The following ARMC2 variants were observed in gnomAD, a reference collection of about 807,000 sequenced individuals.
ARMC2 encodes the protein armadillo repeat containing 2, also known as armadillo repeat-containing protein 2.
Under a neutral mutation model 90.3 loss-of-function variants are expected in ARMC2, and 67 were observed. The ratio of observed to expected loss-of-function variants is 0.74; its 90% CI spans 0.61 to 0.91. The LOEUF (loss-of-function observed/expected upper bound fraction) is 0.91, where lower values mean the gene tolerates loss of function less well. Ranked by LOEUF, ARMC2 falls within the 40% of genes least tolerant of loss-of-function variation. The probability of loss-of-function intolerance (pLI) is 0.00; values close to 1 mark genes in which losing one functional copy is unlikely to be tolerated. For synonymous variants in ARMC2, 393 were observed against 393.0 expected, an observed-to-expected ratio of 1.00 and a Z score of 0.00; for missense variants, 920 against 1,030.9, an observed-to-expected ratio of 0.89 and a Z score of 1.47.
At chr6:108,889,914 C>G (rs1278498934) in intron 5 of ARMC2, among the ~76,000 whole-genome samples, 2 of 151,292 alleles carry the variant, frequency 1.3e-5, no homozygotes, top group Non-Finnish European at 2.9e-5. Flanking sequence ...CCGGGCCGGG[C>G]GCGGTGGCTC....
intron 10 of ARMC2, among the ~76,000 whole-genome samples, chr6:108,925,221 A>G (rs1774993996): frequency 6.6e-6 from 1 of 152,152 alleles, no homozygotes; most frequent in East Asian, 1.9e-4. Flanking sequence ...TCTTTCATCC[A>G]TTATTTTTTA....
At chr6:108,857,398 G>T (rs1481827867) in intron 2 of ARMC2, among the ~76,000 whole-genome samples, 1 of 152,096 alleles carries the variant, frequency 6.6e-6, no homozygotes. Context: ...TCACTTATTA[G>T]TTCCTGGAGC....
chr6:108,944,207 T>C (rs1414013003), intron 12 of ARMC2, among the ~76,000 whole-genome samples: 1 of 152,222 alleles, frequency 6.6e-6, no homozygotes, highest in African/African-American at 2.4e-5. Context: ...TGATTCTTCC[T>C]GACAAAGTAG....
Position 108,953,346 on chromosome 6 carries a change from C to T in ARMC2, c.1910C>T (p.Thr637Met), listed in dbSNP as rs780646638. 1.5e-5 allele frequency: 24 copies of T among 1,599,226 alleles called. No individual in the cohort carries two copies. In the Admixed American group the frequency reaches 2.5e-4, roughly 17 times the overall value. ...NPGIVGLLLT[T>M]LEYKSLDDCE... is the part of the protein sequence containing the mutation. ...GGGATAGTGGGCCTGCTCCTGACCA[C>T]GCTGGGTGAGAACCGCAGCCCACTG... Residue 637 changes from threonine to methionine, a missense_variant, in exon 13 of 18, where the codon ACG becomes ATG. Physicochemically the swap from Thr to Met is moderately conservative, Grantham distance 81. Transcript: ENST00000392644.
chr6:109,030,339 A>G, the ARMC2 span, among the ~76,000 whole-genome samples: 2 of 152,386 alleles, frequency 1.3e-5, no homozygotes, highest in South Asian at 4.1e-4. Flanking sequence ...CCACAAAGGC[A>G]TGATCAAGGC....
At chr6:108,922,285 G>C (rs928813931) in intron 10 of ARMC2, among the ~76,000 whole-genome samples, 1 of 149,276 alleles carries the variant, frequency 6.7e-6, no homozygotes, top group Non-Finnish European at 1.5e-5. Flanking sequence ...TTTTTTTCTT[G>C]AGACAGAGTC....
chr6:108,883,213 A>G (rs1427859698), intron 5 of ARMC2, among the ~76,000 whole-genome samples: 1 of 152,244 alleles, frequency 6.6e-6, no homozygotes, highest in Non-Finnish European at 1.5e-5. Context: ...CCTAAGTGTA[A>G]TAAGGGGTAA....
chr6:109,026,931 C>A, the ARMC2 span, among the ~76,000 whole-genome samples: 1 of 152,010 alleles, frequency 6.6e-6, no homozygotes, highest in Non-Finnish European at 1.5e-5. Flanking sequence ...CCCAGCACTT[C>A]AGGAGCCCAG....
At position 108,936,927 on chromosome 6, in the gene ARMC2, C is replaced by G. The variant is rs142598974; in HGVS notation, c.1524C>G (p.Cys508Trp). 3.1e-6 allele frequency: 5 copies of G among 1,603,156 alleles called. No individual in the cohort carries two copies. The African/African-American group carries it at 4.0e-5, about 13-fold the overall frequency. Residue 508 changes from cysteine to tryptophan, a missense_variant, in exon 12 of 18, where the codon TGC becomes TGG. Cys to Trp is a radical substitution (Grantham distance 215, BLOSUM62 -2). Transcript: ENST00000392644. ...FSKLTSYRDCCTALASYSRCY... is the reference protein window; with the variant it reads ...FSKLTSYRDCWTALASYSRCY... The stretch of plus-strand genomic sequence containing the variant: ...AACTTACTTCTTACCGTGACTGCTG[C>G]ACAGCCTTGGCCAGCTATTCCAGAT...
chr6:109,026,852 C>T, the ARMC2 span, among the ~76,000 whole-genome samples: 4 of 151,988 alleles, frequency 2.6e-5, no homozygotes, highest in African/African-American at 9.7e-5. Context: ...AGTAGTTGTA[C>T]CATTTTATAT....
At chr6:108,969,934 A>C (rs916276620) in intron 17 of ARMC2, among the ~76,000 whole-genome samples, 2 of 152,036 alleles carry the variant, frequency 1.3e-5, no homozygotes, top group Non-Finnish European at 2.9e-5. Context: ...CACTCAGGAA[A>C]CTGAGGTGGG....
the ARMC2 span, among the ~76,000 whole-genome samples, chr6:109,022,527 A>G: frequency 7.3e-6 from 1 of 137,042 alleles, no homozygotes; most frequent in African/African-American, 2.8e-5. Flanking sequence ...GGTTCATGCC[A>G]TTCTCCTGCC....
At chr6:108,987,057 G>C in the ARMC2 span, 4 of 152,852 alleles carry the variant, frequency 2.6e-5, no homozygotes, top group African/African-American at 9.7e-5. Context: ...ATGTATGTAG[G>C]CTCAGATAGT....
chr6:108,937,776 G>C (rs961543643), intron 12 of ARMC2, among the ~76,000 whole-genome samples: 10 of 151,946 alleles, frequency 6.6e-5, no homozygotes, highest in African/African-American at 1.5e-4. Context: ...CTCACTGCAA[G>C]CTCCACCTCC....
the ARMC2 span, among the ~76,000 whole-genome samples, chr6:109,024,889 T>A: frequency 4.9e-4 from 75 of 152,338 alleles, 4 homozygotes; most frequent in East Asian, 0.014. Context: ...AGTGGAACTA[T>A]CACAAATTGG....
rs368916195 is a variant in ARMC2 at position 108,953,301 on chromosome 6, C to T, written c.1865C>T (p.Pro622Leu). 1.3e-5 allele frequency: 21 copies of T among 1,610,322 alleles called. No homozygotes were observed. Among genetic ancestry groups the T allele is most frequent in the East Asian group, 2.2e-5 (1 of 44,882 alleles). ...ANIAIHPGVG[P>L]VLAANPGIVG... ...ATTGCCATCCACCCGGGCGTGGGCC[C>T]GGTGCTGGCCGCCAACCCGGGGATA... The change falls in exon 13 of 18, where the codon CCG (proline) becomes CTG (leucine). Residue 622 changes from proline (P) to leucine (L), a missense_variant. Pro to Leu is a moderately conservative substitution (Grantham distance 98). Transcript: ENST00000392644.
intron 17 of ARMC2, among the ~76,000 whole-genome samples, chr6:108,971,139 A>G (rs755390420): frequency 9.2e-5 from 14 of 152,066 alleles, no homozygotes; most frequent in Non-Finnish European, 1.8e-4. Context: ...CACAAGGATC[A>G]CTTGAATCTG....
At chr6:108,860,934 T>A (rs1242358486) in intron 3 of ARMC2, among the ~76,000 whole-genome samples, 1 of 152,188 alleles carries the variant, frequency 6.6e-6, no homozygotes, top group African/African-American at 2.4e-5. Context: ...ATATAAATAT[T>A]CAATTAACAT....
intron 1 of ARMC2, 26 bp downstream of exon 1, chr6:108,848,572 C>A (rs372795070): frequency 6.6e-6 from 1 of 152,508 alleles, no homozygotes; most frequent in Non-Finnish European, 1.5e-5. Context: ...TCGGAAGCCT[C>A]CTTCCCTGAG....
Sources: gnomAD v4.1 joint callset for allele counts (sites outside exome capture counted in the v4.1 genomes callset) on GRCh38, gnomAD v4.1.1 for gene constraint, MANE v1.5 for transcripts, NCBI Gene and HGNC (gene_info 2026-07-23, HGNC 2026-07-21) for gene names.